The following TNR variants were observed in gnomAD, a reference collection of about 807,000 sequenced individuals.
TNR encodes the protein tenascin-R.
Under a neutral mutation model 150.4 loss-of-function variants are expected in TNR, and 45 were observed. The observed-to-expected ratio is 0.30, with a 90% confidence interval of 0.24 to 0.38. The LOEUF (loss-of-function observed/expected upper bound fraction) is 0.38. Among genes scored for constraint, TNR ranks in the 10% least tolerant of loss-of-function variants. The probability of loss-of-function intolerance (pLI) is 1.00; values close to 1 mark genes in which losing one functional copy is unlikely to be tolerated. For missense variants in TNR, 1,544 were observed against 1,759.1 expected (o/e 0.88, Z 2.19); for synonymous variants, 687 against 678.4 (o/e 1.01, Z -0.20).
intron 18 of TNR, among the ~76,000 whole-genome samples, chr1:175,337,978 G>A (rs1650330464): frequency 6.6e-6 from 1 of 152,166 alleles, no homozygotes; most frequent in African/African-American, 2.4e-5. Context: ...AAATCAGTTG[G>A]GCGTCAGTTT....
Position 175,386,104 on chromosome 1 carries a change from G to T in TNR, c.1705C>A (p.Arg569=), listed in dbSNP as rs1376651206. 2 of 1,612,452 alleles carry T rather than the reference G, an allele frequency of 1.2e-6. No homozygotes were observed. ...YSVQALRPGS[R]YEVSVSAVRG... is the part of the protein sequence containing the mutation. ...ACGGCACTGACTGACACCTCGTATCGGGAGCCAGGCCGCAGGGCCTGCACT... is the reference window on the plus strand; with the variant it reads ...ACGGCACTGACTGACACCTCGTATCTGGAGCCAGGCCGCAGGGCCTGCACT... Residue 569 remains arginine, a synonymous_variant, in exon 8 of 23, where the codon CGA becomes AGA. Coordinates refer to ENST00000367674, the MANE Select transcript of TNR (RefSeq NM_003285.3).
chr1:175,391,403 G>A lies in TNR; in HGVS notation c.1392C>T (p.Ser464=), dbSNP rs148973031. 1.7e-5 allele frequency: 27 copies of A among 1,614,044 alleles called. No homozygotes were observed. The highest frequency in any genetic ancestry group is 1.1e-4 in the East Asian group (5 of 44,896). ...CTGTCTGGTTAAAGGACGTAACATC[G>A]CTGGGGACCTGAGCAATCACTCCCC... The part of the protein sequence containing the change: ...NEGGVIAQVP[S]DVTSFNQTGL... The change falls in exon 7 of 23, where the codon AGC becomes AGT. Residue 464 remains serine (S), a synonymous_variant. Transcript: ENST00000367674.
chr1:175,686,141 C>G (rs1037256868), intron 1 of TNR, among the ~76,000 whole-genome samples: 2 of 152,170 alleles, frequency 1.3e-5, no homozygotes, highest in African/African-American at 4.8e-5. Flanking sequence ...CTCCAGCTAA[C>G]AGTTATTCAT....
intron 1 of TNR, among the ~76,000 whole-genome samples, chr1:175,574,767 G>A (rs530138639): frequency 6.6e-5 from 10 of 152,302 alleles, no homozygotes; most frequent in African/African-American, 2.2e-4. Context: ...AAGCAGTGAA[G>A]GCATGCTGCT....
In TNR at chr1:175,323,444, C is replaced by T; in HGVS notation, c.3990G>A (p.Glu1330=). Residue 1330 remains glutamate (E), a synonymous_variant, in exon 23 of 23, where the codon GAG becomes GAA. Transcript: ENST00000367674. The part of the protein sequence containing the change: ...GINWYHWKGH[E]FSIPFVEMKM... ...TCATTTCCACAAAGGGGATGGAGAA[C>T]TCATGGCCTTTCCAATGGTACCAGT... 1 of 1,614,062 alleles carries T rather than the reference C, an allele frequency of 6.2e-7. No homozygotes were observed. The highest frequency in any genetic ancestry group is 1.1e-5 in the South Asian group (1 of 91,074).
chr1:175,610,944 A>G (rs547259629), intron 1 of TNR, among the ~76,000 whole-genome samples: 102 of 152,310 alleles, frequency 6.7e-4, no homozygotes, highest in Admixed American at 2.5e-3. Flanking sequence ...ACTAACGTAA[A>G]TAATATTACA....
chr1:175,698,281 C>T (rs1178386861), intron 1 of TNR, among the ~76,000 whole-genome samples: 1 of 152,114 alleles, frequency 6.6e-6, no homozygotes, highest in Non-Finnish European at 1.5e-5. Flanking sequence ...GGATAGAGTG[C>T]TGGGGTGGGG....
intron 1 of TNR, among the ~76,000 whole-genome samples, chr1:175,530,949 T>C (rs1660042219): frequency 6.6e-6 from 1 of 152,176 alleles, no homozygotes. Flanking sequence ...CCCAGGCCCA[T>C]GCCAGGCACC....
At chr1:175,367,176 T>C in intron 10 of TNR, 32 bp downstream of exon 10, 2 of 1,606,726 alleles carry the variant, frequency 1.2e-6, no homozygotes, top group Non-Finnish European at 1.7e-6. Flanking sequence ...TAGGCTAACC[T>C]GGTCTTCTTC....
intron 1 of TNR, among the ~76,000 whole-genome samples, chr1:175,651,039 T>C (rs1229644759): frequency 1.6e-5 from 1 of 61,476 alleles, no homozygotes; most frequent in East Asian, 4.2e-4. Context: ...ACCTCATTAC[T>C]ACCCCTCCCC....
At chr1:175,331,862 G>A (rs534719003) in intron 20 of TNR, among the ~76,000 whole-genome samples, 6 of 152,314 alleles carry the variant, frequency 3.9e-5, no homozygotes, top group African/African-American at 1.4e-4. Flanking sequence ...TCCAAGAGAG[G>A]TGAAATGATT....
intron 18 of TNR, among the ~76,000 whole-genome samples, chr1:175,341,144 A>T (rs1375243818): frequency 6.6e-6 from 1 of 152,132 alleles, no homozygotes; most frequent in Non-Finnish European, 1.5e-5. Context: ...ATTTTAGGAG[A>T]CTGTCAGGGC....
At chr1:175,393,125 G>C (rs918594398) in intron 6 of TNR, among the ~76,000 whole-genome samples, 3 of 152,162 alleles carry the variant, frequency 2.0e-5, no homozygotes, top group Admixed American at 6.5e-5. Context: ...TTAGAGCCAG[G>C]CATACACCTG....
intron 2 of TNR, among the ~76,000 whole-genome samples, chr1:175,505,803 G>A (rs1000038620): frequency 2.1e-4 from 32 of 152,250 alleles, no homozygotes; most frequent in Admixed American, 1.3e-3. Context: ...CACTTTGGGA[G>A]GCCGAGGTGG....
chr1:175,692,472 C>A (rs1666397937), intron 1 of TNR, among the ~76,000 whole-genome samples: 1 of 152,222 alleles, frequency 6.6e-6, no homozygotes, highest in Non-Finnish European at 1.5e-5. Context: ...GCCTCAAGTT[C>A]CCTTCATCCA....
chr1:175,734,921 G>T (rs1667731113), intron 1 of TNR, among the ~76,000 whole-genome samples: 1 of 152,222 alleles, frequency 6.6e-6, no homozygotes, highest in African/African-American at 2.4e-5. Flanking sequence ...GCCCTGTATT[G>T]ATCTGCACCT....
intron 1 of TNR, among the ~76,000 whole-genome samples, chr1:175,598,978 C>A (rs1360824080): frequency 6.6e-6 from 1 of 152,202 alleles, no homozygotes; most frequent in African/African-American, 2.4e-5. Flanking sequence ...AGAGGAGATG[C>A]GTCCTTAAAT....
chr1:175,414,463 A>C (rs1389674909), intron 2 of TNR, among the ~76,000 whole-genome samples: 2 of 152,182 alleles, frequency 1.3e-5, no homozygotes, highest in Non-Finnish European at 2.9e-5. Flanking sequence ...GACCCTACAA[A>C]TGGGAGTGCA....
At chr1:175,592,496 C>T (rs1203065676) in intron 1 of TNR, among the ~76,000 whole-genome samples, 1 of 151,196 alleles carries the variant, frequency 6.6e-6, no homozygotes. Flanking sequence ...CTGAGGGACC[C>T]CTGGCTCGAG....
Sources: allele counts gnomAD v4.1 joint callset (sites outside exome capture counted in the v4.1 genomes callset), GRCh38; gene constraint gnomAD v4.1.1; transcripts MANE v1.5; gene names NCBI Gene and HGNC (gene_info 2026-07-23, HGNC 2026-07-21).